Variants in SLC30A9 observed in about 807,000 individuals in gnomAD.
The protein encoded by SLC30A9 is solute carrier family 30 member 9, also known as proton-coupled zinc antiporter SLC30A9, mitochondrial.
Under a neutral mutation model 87.5 loss-of-function variants are expected in SLC30A9, and 58 were observed. The observed-to-expected ratio is 0.66, with a 90% CI of 0.54 to 0.82. The LOEUF is 0.82. Ranked by LOEUF, SLC30A9 falls within the 40% of genes least tolerant of loss-of-function variation. The pLI is 0.00. For missense variants in SLC30A9, 557 were observed against 679.1 expected (o/e 0.82, Z 2.00); for synonymous variants, 234 against 233.0 (o/e 1.00, Z -0.04).
At chr4:42,061,232 T>C (rs909568086) in intron 10 of SLC30A9, among the ~76,000 whole-genome samples, 1 of 152,250 alleles carries the variant, frequency 6.6e-6, no homozygotes, top group Non-Finnish European at 1.5e-5. Context: ...TGGTAGTAGC[T>C]AACTACATGT....
intron 16 of SLC30A9, 113 bp from the exon 17 acceptor site, chr4:42,078,099 A>C: frequency 1.8e-6 from 1 of 568,086 alleles, no homozygotes; most frequent in South Asian, 2.5e-5. Flanking sequence ...AGTTTTAAAA[A>C]TGTTCATTAA....
At chr4:42,013,645 AG>A (rs1380886647) in intron 2 of SLC30A9, among the ~76,000 whole-genome samples, 1 of 152,238 alleles carries the variant, frequency 6.6e-6, no homozygotes, top group Non-Finnish European at 1.5e-5. Context: ...CATTGGGGAA[AG>A]GACTGTCTAT....
chr4:42,022,484 G>A (rs1367566408), intron 4 of SLC30A9, among the ~76,000 whole-genome samples: 2 of 151,884 alleles, frequency 1.3e-5, no homozygotes, highest in African/African-American at 4.8e-5. Context: ...GCCTCTCAAA[G>A]CGCTGGGAGT....
intron 8 of SLC30A9, among the ~76,000 whole-genome samples, chr4:42,044,381 G>C (rs1197319901): frequency 3.9e-5 from 2 of 51,616 alleles, no homozygotes; most frequent in Non-Finnish European, 6.1e-5. Context: ...CAAGTAAATG[G>C]AAAGCAAAAA....
At chr4:42,065,473 C>G in intron 12 of SLC30A9, 124 bp downstream of exon 12, 1 of 646,062 alleles carries the variant, frequency 1.5e-6, no homozygotes. Flanking sequence ...GGCATCTAAG[C>G]TTTCTCTACT....
At chr4:41,996,888 G>A (rs560367385) in intron 1 of SLC30A9, among the ~76,000 whole-genome samples, 1 of 152,098 alleles carries the variant, frequency 6.6e-6, no homozygotes, top group South Asian at 2.1e-4. Context: ...ACAAAAATTA[G>A]TCAGGCGTGG....
At chr4:42,051,165 A>C (rs191334479) in intron 9 of SLC30A9, among the ~76,000 whole-genome samples, 1 of 152,178 alleles carries the variant, frequency 6.6e-6, no homozygotes, top group Non-Finnish European at 1.5e-5. Flanking sequence ...TATCGAGGCC[A>C]ATGGAAGGCT....
In SLC30A9 at chr4:42,022,856, A is replaced by G; in HGVS notation, c.453A>G (p.Arg151=). 1.2e-6 allele frequency: 2 copies of G among 1,600,126 alleles called. No individual in the cohort carries two copies. Among genetic ancestry groups the G allele is most frequent in the South Asian group, 1.1e-5 (1 of 88,694 alleles). The change falls in exon 5 of 18, where the codon CGA becomes CGG. Residue 151 remains arginine (R), a synonymous_variant. Coordinates refer to ENST00000264451, the MANE Select transcript of SLC30A9 (RefSeq NM_006345.4). The part of the protein sequence containing the change: ...CLKSSDLEQL[R]KIRRRSPHED... ...TCTCTAGTGATCTAGAACAACTTCG[A>G]AAAATCAGACGACGAAGTCCCCATG...
At chr4:41,999,870 G>A (rs1714902473) in intron 1 of SLC30A9, among the ~76,000 whole-genome samples, 1 of 151,940 alleles carries the variant, frequency 6.6e-6, no homozygotes, top group East Asian at 1.9e-4. Context: ...TGGTAATGGT[G>A]TTATGGTTGT....
intron 9 of SLC30A9, among the ~76,000 whole-genome samples, chr4:42,056,988 T>A (rs1275674817): frequency 6.6e-6 from 1 of 152,194 alleles, no homozygotes; most frequent in Non-Finnish European, 1.5e-5. Flanking sequence ...TGATCTCCTT[T>A]CGCTCCATGT....
intron 8 of SLC30A9, among the ~76,000 whole-genome samples, chr4:42,040,670 C>T (rs111363456): frequency 6.6e-6 from 1 of 151,848 alleles, no homozygotes; most frequent in South Asian, 2.1e-4. Context: ...GTGGTGGGCG[C>T]CTGTAGTCCC....
chr4:42,031,913 A>G (rs907182407), intron 6 of SLC30A9, among the ~76,000 whole-genome samples: 1 of 152,202 alleles, frequency 6.6e-6, no homozygotes, highest in African/African-American at 2.4e-5. Context: ...TCGTATTGCT[A>G]TAAAGAAATA....
chr4:42,074,097 GAGAAAAAAAAA>G (rs573984031), intron 15 of SLC30A9, among the ~76,000 whole-genome samples: 284 of 150,800 alleles, frequency 1.9e-3, no homozygotes, highest in Non-Finnish European at 3.2e-3. Context: ...GTTACCAGGA[GAGAAAAAAAAA>G]AGAATAAATG....
chr4:42,053,285 C>G (rs1717458047), intron 9 of SLC30A9, among the ~76,000 whole-genome samples: 1 of 152,160 alleles, frequency 6.6e-6, no homozygotes, highest in African/African-American at 2.4e-5. Flanking sequence ...TACAACCACT[C>G]TGGAAAATAT....
Position 42,018,506 on chromosome 4 carries a change from G to A in SLC30A9, c.334+336G>A, listed in dbSNP as rs1715812126. On this transcript the variant is annotated intron_variant, in intron 3 of 17. Coordinates refer to ENST00000264451, the MANE Select transcript of SLC30A9 (RefSeq NM_006345.4). ...TCAGCTACTGCTTATTCAAATCCAG[G>A]TAGAGTTTGGCCGTTATTGTCTGAC... is the stretch of plus-strand genomic sequence containing the variant. The A allele has an allele frequency of 5.8e-6, 6 of 1,035,916 alleles. No individual in the cohort carries two copies. The South Asian group carries it at 7.2e-5, about 12-fold the overall frequency. The allele number at this position is 1,035,916 out of a possible 1,614,324, so 64.2% of individuals were successfully genotyped here.
intron 2 of SLC30A9, among the ~76,000 whole-genome samples, chr4:42,016,544 T>G (rs1377506546): frequency 1.3e-5 from 2 of 152,202 alleles, no homozygotes; most frequent in South Asian, 4.1e-4. Flanking sequence ...TTGTATATAT[T>G]CTTTTGTGAT....
At chr4:41,998,873 A>C (rs374053241) in intron 1 of SLC30A9, among the ~76,000 whole-genome samples, 18 of 152,322 alleles carry the variant, frequency 1.2e-4, no homozygotes, top group African/African-American at 4.1e-4. Context: ...AATATACAAT[A>C]TTAGGTGGTA....
At position 42,064,899 on chromosome 4, in the gene SLC30A9, C is replaced by CT. The variant is rs897488147; in HGVS notation, c.1033-400dup. On this transcript the variant is annotated intron_variant, in intron 11 of 17. Transcript: ENST00000264451. ...TAAAAAAAATGTGTTGCTAGGTTAA[C>CT]TTTTTTTTTTTGATACACCCCTGTC... Among the ~76,000 whole-genome samples, 445 of 147,612 alleles carry CT rather than the reference C, an allele frequency of 3.0e-3. 2 individuals are homozygous for CT. Among genetic ancestry groups the CT allele is most frequent in the African/African-American group, 9.7e-3 (393 of 40,578 alleles).
intron 6 of SLC30A9, among the ~76,000 whole-genome samples, chr4:42,026,729 T>C (rs972990642): frequency 4.7e-5 from 7 of 149,998 alleles, no homozygotes; most frequent in Non-Finnish European, 1.0e-4. Context: ...TTTTTTCTTT[T>C]CATCTTCTCT....
Sources: allele counts gnomAD v4.1 joint callset (sites outside exome capture counted in the v4.1 genomes callset), GRCh38; gene constraint gnomAD v4.1.1; transcripts MANE v1.5; gene names NCBI Gene and HGNC (gene_info 2026-07-23, HGNC 2026-07-21).